The following AGBL3 variants were observed in gnomAD, a reference collection of about 807,000 sequenced individuals.
AGBL3 encodes the protein AGBL carboxypeptidase 3, also known as cytosolic carboxypeptidase 3.
A neutral mutation model predicts 94.5 loss-of-function variants in AGBL3; 68 were observed. That is an observed-to-expected ratio of 0.72 (90% CI 0.59 to 0.88). The LOEUF (loss-of-function observed/expected upper bound fraction) is 0.88, where lower values mean the gene tolerates loss of function less well. Among genes scored for constraint, AGBL3 ranks in the 40% least tolerant of loss-of-function variants. The pLI, the probability that AGBL3 is intolerant of heterozygous loss-of-function variation, is 0.00. For synonymous variants in AGBL3, 354 were observed against 370.7 expected (o/e 0.95, Z 0.52); for missense variants, 934 against 1,103.8 (o/e 0.85, Z 2.18).
At chr7:135,070,122 T>C (rs1170722224) in intron 12 of AGBL3, among the ~76,000 whole-genome samples, 1 of 152,162 alleles carries the variant, frequency 6.6e-6, no homozygotes, top group Non-Finnish European at 1.5e-5. Context: ...CTAGAAAATC[T>C]AGAAGAAATG....
At position 135,059,249 on chromosome 7, in the gene AGBL3, T is replaced by C. The variant is rs754582524; in HGVS notation, c.1908+14T>C. On this transcript the variant is annotated intron_variant, in intron 12 of 16. Coordinates refer to ENST00000436302, the MANE Select transcript of AGBL3 (RefSeq NM_178563.4). ...TTAACTTCTCAGGTATGACTGAACA[T>C]TTTTGCTTATATGTGGATATGCTGT... is the stretch of plus-strand genomic sequence containing the variant. 12 of 1,546,604 alleles carry C rather than the reference T, an allele frequency of 7.8e-6. No homozygotes were observed. Among genetic ancestry groups the C allele is most frequent in the Admixed American group, 2.0e-5 (1 of 50,708 alleles).
chr7:134,987,356 C>T (rs1166579168), intron 1 of AGBL3, among the ~76,000 whole-genome samples: 1 of 152,148 alleles, frequency 6.6e-6, no homozygotes, highest in African/African-American at 2.4e-5. Context: ...ATTACCAATA[C>T]AACCTTCTGG....
chr7:135,076,563 C>T (rs1206501355), intron 13 of AGBL3, 95 bp downstream of exon 13: 8 of 966,430 alleles, frequency 8.3e-6, no homozygotes, highest in Non-Finnish European at 1.2e-5. Context: ...CCCGAATTTT[C>T]CCCCAGGAGA....
intron 8 of AGBL3, among the ~76,000 whole-genome samples, chr7:135,038,259 TG>T (rs765668316): frequency 8.8e-6 from 1 of 113,584 alleles, no homozygotes; most frequent in Non-Finnish European, 2.0e-5. Flanking sequence ...TGGGGATAAT[TG>T]GGGCCCAAAG....
chr7:135,047,261 C>T (rs572985715), intron 11 of AGBL3, among the ~76,000 whole-genome samples: 1 of 151,788 alleles, frequency 6.6e-6, no homozygotes, highest in South Asian at 2.1e-4. Context: ...TGAATAGGTA[C>T]GTCTTATTTT....
chr7:135,045,992 C>A, intron 11 of AGBL3, 81 bp downstream of exon 11: 2 of 980,644 alleles, frequency 2.0e-6, no homozygotes, highest in Non-Finnish European at 1.5e-6. Flanking sequence ...ATTTTATTGT[C>A]AGTTCTCAAC....
At chr7:134,988,888 T>G (rs1809846549) in intron 2 of AGBL3, among the ~76,000 whole-genome samples, 1 of 152,232 alleles carries the variant, frequency 6.6e-6, no homozygotes, top group Non-Finnish European at 1.5e-5. Context: ...TCCACCCGCC[T>G]TGGCCTCCCA....
chr7:135,036,197 G>A (rs978320330), intron 7 of AGBL3, among the ~76,000 whole-genome samples: 2 of 152,144 alleles, frequency 1.3e-5, no homozygotes, highest in Non-Finnish European at 2.9e-5. Flanking sequence ...GATTAGTTAA[G>A]TAATAATCCT....
intron 11 of AGBL3, chr7:135,051,004 T>C (rs1386325754): frequency 1.6e-5 from 7 of 428,238 alleles, no homozygotes; most frequent in Non-Finnish European, 3.2e-5. Context: ...TTATTTCTAA[T>C]GCTGTCACTA....
At chr7:135,083,360 G>C (rs1821076835) in intron 15 of AGBL3, among the ~76,000 whole-genome samples, 1 of 152,136 alleles carries the variant, frequency 6.6e-6, no homozygotes, top group Non-Finnish European at 1.5e-5. Context: ...TCTAACAGGG[G>C]TTGGACTGAC....
intron 15 of AGBL3, among the ~76,000 whole-genome samples, chr7:135,115,166 T>C (rs1326778266): frequency 6.6e-6 from 1 of 152,210 alleles, no homozygotes; most frequent in African/African-American, 2.4e-5. Context: ...AAGAATTCTC[T>C]ACTCCCCTCC....
intron 12 of AGBL3, among the ~76,000 whole-genome samples, chr7:135,073,512 A>AAACG (rs147975473): frequency 0.27 from 38,560 of 144,054 alleles, 5,516 homozygotes; most frequent in South Asian, 0.35. Flanking sequence ...ATAAATAAAT[A>AAACG]AACCTTGCAG....
At chr7:135,000,538 C>T (rs1277641043) in intron 4 of AGBL3, among the ~76,000 whole-genome samples, 4 of 152,152 alleles carry the variant, frequency 2.6e-5, no homozygotes, top group South Asian at 2.1e-4. Flanking sequence ...ACCAGCTTTC[C>T]GAGTACTACA....
chr7:135,074,666 T>C (rs1450240751), intron 12 of AGBL3, among the ~76,000 whole-genome samples: 1 of 152,154 alleles, frequency 6.6e-6, no homozygotes, highest in Non-Finnish European at 1.5e-5. Flanking sequence ...TTTGTTAAAA[T>C]ACCATGCAAG....
At chr7:134,996,169 T>C (rs1316268615) in intron 4 of AGBL3, among the ~76,000 whole-genome samples, 2 of 152,132 alleles carry the variant, frequency 1.3e-5, no homozygotes, top group African/African-American at 4.8e-5. Flanking sequence ...GTGGCAAGCA[T>C]TGGGGCCCAG....
At chr7:135,084,798 T>A (rs1821198881) in intron 15 of AGBL3, among the ~76,000 whole-genome samples, 1 of 152,190 alleles carries the variant, frequency 6.6e-6, no homozygotes, top group African/African-American at 2.4e-5. Context: ...AGTGCTGCAA[T>A]GACCATGAGA....
At chr7:135,015,376 A>T (rs1813651980) in intron 4 of AGBL3, among the ~76,000 whole-genome samples, 1 of 152,200 alleles carries the variant, frequency 6.6e-6, no homozygotes, top group Non-Finnish European at 1.5e-5. Flanking sequence ...CCATCCATTC[A>T]TTCATCTCTC....
intron 5 of AGBL3, among the ~76,000 whole-genome samples, chr7:135,026,850 A>T (rs1233451897): frequency 6.6e-6 from 1 of 151,468 alleles, no homozygotes; most frequent in Non-Finnish European, 1.5e-5. Flanking sequence ...GTATTTGCAT[A>T]TATGTTTGGG....
intron 4 of AGBL3, chr7:134,995,545 T>C (rs1810902536): frequency 6.6e-6 from 1 of 152,202 alleles, no homozygotes; most frequent in Non-Finnish European, 1.5e-5. Context: ...GGCAGCTGTG[T>C]TTCTGGCCTC....
Sources: allele counts gnomAD v4.1 joint callset (sites outside exome capture counted in the v4.1 genomes callset), GRCh38; gene constraint gnomAD v4.1.1; transcripts MANE v1.5; gene names NCBI Gene and HGNC (gene_info 2026-07-23, HGNC 2026-07-21).